Variants in FSTL5 observed in about 807,000 individuals in gnomAD.
FSTL5 encodes follistatin like 5.
A neutral mutation model predicts 89.1 loss-of-function variants in FSTL5; 62 were observed. The observed-to-expected ratio is 0.70, with a 90% CI of 0.57 to 0.86. The LOEUF (loss-of-function observed/expected upper bound fraction) is 0.86, where lower values mean the gene tolerates loss of function less well. Ranked by LOEUF, FSTL5 falls within the 40% of genes least tolerant of loss-of-function variation. The probability of loss-of-function intolerance (pLI) is 0.00; values close to 1 mark genes in which losing one functional copy is unlikely to be tolerated. For missense variants in FSTL5, 1,057 were observed against 1,001.6 expected, an observed-to-expected ratio of 1.06 and a Z score of -0.75; for synonymous variants, 383 against 346.2, an observed-to-expected ratio of 1.11 and a Z score of -1.18.
intron 15 of FSTL5, among the ~76,000 whole-genome samples, chr4:161,423,596 G>T (rs1386024709): frequency 2.6e-5 from 4 of 151,236 alleles, no homozygotes; most frequent in Non-Finnish European, 5.9e-5. Flanking sequence ...GACTTTATTT[G>T]TTTAGGCCTA....
chr4:161,883,620 A>G (rs6840558), intron 4 of FSTL5, among the ~76,000 whole-genome samples: 1 of 152,088 alleles, frequency 6.6e-6, no homozygotes, highest in Non-Finnish European at 1.5e-5. Context: ...GGCTATGTTA[A>G]CATTTTATTT....
chr4:161,804,215 C>A (rs1298158747), intron 4 of FSTL5, among the ~76,000 whole-genome samples: 1 of 151,908 alleles, frequency 6.6e-6, no homozygotes, highest in Non-Finnish European at 1.5e-5. Flanking sequence ...TAGATTAATG[C>A]CACTCAGATA....
At chr4:161,927,003 T>G (rs2110882506) in intron 3 of FSTL5, among the ~76,000 whole-genome samples, 1 of 151,928 alleles carries the variant, frequency 6.6e-6, no homozygotes, top group African/African-American at 2.4e-5. Context: ...AGGTCTTCTT[T>G]TAGATAACTA....
intron 3 of FSTL5, among the ~76,000 whole-genome samples, chr4:161,986,800 C>A (rs1396729178): frequency 6.6e-6 from 1 of 152,062 alleles, no homozygotes; most frequent in Non-Finnish European, 1.5e-5. Context: ...CCATGTTTGA[C>A]GTTGATGGCT....
intron 4 of FSTL5, among the ~76,000 whole-genome samples, chr4:161,797,183 G>C (rs1283624761): frequency 6.6e-6 from 1 of 151,582 alleles, no homozygotes; most frequent in Non-Finnish European, 1.5e-5. Context: ...ATGTAATACT[G>C]CCTATCTCTT....
chr4:161,419,454 C>T (rs1157106590), intron 15 of FSTL5, among the ~76,000 whole-genome samples: 1 of 152,106 alleles, frequency 6.6e-6, no homozygotes, highest in Admixed American at 6.6e-5. Flanking sequence ...GAAAATACTC[C>T]TAAAGAAAAG....
intron 3 of FSTL5, among the ~76,000 whole-genome samples, chr4:162,022,373 C>T (rs1206781207): frequency 6.6e-6 from 1 of 151,690 alleles, no homozygotes; most frequent in East Asian, 1.9e-4. Flanking sequence ...TATATTAACA[C>T]TGTATATAAT....
chr4:161,860,220 G>T (rs1010611820), intron 4 of FSTL5, among the ~76,000 whole-genome samples: 1 of 151,998 alleles, frequency 6.6e-6, no homozygotes, highest in Non-Finnish European at 1.5e-5. Flanking sequence ...CCCGGGAGGC[G>T]GAGCTTGCAG....
At chr4:161,512,321 A>T (rs927710152) in intron 10 of FSTL5, among the ~76,000 whole-genome samples, 7 of 152,142 alleles carry the variant, frequency 4.6e-5, no homozygotes, top group African/African-American at 1.7e-4. Flanking sequence ...TAGAACAGGC[A>T]ATCTCTGTGC....
chr4:161,814,428 G>A (rs1211647915), intron 4 of FSTL5, among the ~76,000 whole-genome samples: 2 of 152,068 alleles, frequency 1.3e-5, no homozygotes, highest in African/African-American at 4.8e-5. Flanking sequence ...ACATTATTGT[G>A]TTCATTAACA....
At chr4:161,488,840 T>C (rs746699393) in intron 12 of FSTL5, among the ~76,000 whole-genome samples, 11 of 152,128 alleles carry the variant, frequency 7.2e-5, no homozygotes, top group Non-Finnish European at 1.2e-4. Flanking sequence ...TTGCTGTGCA[T>C]GTTCAAGAGA....
At chr4:161,485,318 A>T (rs182746445) in intron 12 of FSTL5, among the ~76,000 whole-genome samples, 7 of 152,358 alleles carry the variant, frequency 4.6e-5, no homozygotes, top group Admixed American at 3.9e-4. Context: ...GCCAAGGCTC[A>T]GACTTTAGTT....
chr4:161,825,097 A>G (rs1341077658), intron 4 of FSTL5, among the ~76,000 whole-genome samples: 1 of 152,190 alleles, frequency 6.6e-6, no homozygotes, highest in Non-Finnish European at 1.5e-5. Context: ...GGTTTTAATC[A>G]TAAAGGGATG....
At chr4:161,413,189 A>G (rs528143948) in intron 15 of FSTL5, among the ~76,000 whole-genome samples, 5 of 149,286 alleles carry the variant, frequency 3.3e-5, no homozygotes, top group Admixed American at 2.7e-4. Context: ...TTCAGAATCT[A>G]TAGGGAACTT....
chr4:161,462,534 CAAT>C (rs1733617253), intron 13 of FSTL5, among the ~76,000 whole-genome samples: 1 of 152,050 alleles, frequency 6.6e-6, no homozygotes, highest in Non-Finnish European at 1.5e-5. Context: ...ATGACAACAA[CAAT>C]AATAATAGTA....
At chr4:161,855,664 C>T (rs1270965413) in intron 4 of FSTL5, among the ~76,000 whole-genome samples, 1 of 151,882 alleles carries the variant, frequency 6.6e-6, no homozygotes, top group Non-Finnish European at 1.5e-5. Context: ...AGGCTTTTTT[C>T]CTCTTCATAT....
intron 1 of FSTL5, among the ~76,000 whole-genome samples, chr4:162,156,228 A>T (rs1294511886): frequency 1.8e-4 from 27 of 152,212 alleles, no homozygotes; most frequent in Admixed American, 1.8e-3. Flanking sequence ...TTATGATTAA[A>T]AAGTCAAAAA....
At chr4:161,581,413 A>T (rs1320287107) in intron 8 of FSTL5, among the ~76,000 whole-genome samples, 1 of 152,162 alleles carries the variant, frequency 6.6e-6, no homozygotes, top group East Asian at 1.9e-4. Context: ...TGCTTTGTAG[A>T]TCTCACTGTC....
At chr4:161,445,114 A>C (rs1233139510) in intron 15 of FSTL5, among the ~76,000 whole-genome samples, 1 of 152,024 alleles carries the variant, frequency 6.6e-6, no homozygotes, top group Non-Finnish European at 1.5e-5. Context: ...CTTGATTTGT[A>C]AATTCAGACT....
Sources: gnomAD v4.1 joint callset for allele counts (sites outside exome capture counted in the v4.1 genomes callset) on GRCh38, gnomAD v4.1.1 for gene constraint, MANE v1.5 for transcripts, NCBI Gene and HGNC (gene_info 2026-07-23, HGNC 2026-07-21) for gene names.